The following COL6A5 variants were observed in gnomAD, a reference collection of about 807,000 sequenced individuals.
The protein encoded by COL6A5 is collagen type VI alpha 5 chain, also known as collagen alpha-5(VI) chain.
In COL6A5, 48 loss-of-function variants were observed where a neutral mutation model predicts 65.6. The observed-to-expected ratio is 0.73, with a 90% CI of 0.58 to 0.93. The LOEUF (loss-of-function observed/expected upper bound fraction) is 0.93. Among genes scored for constraint, COL6A5 ranks in the 40% least tolerant of loss-of-function variants. The pLI is 0.00. For synonymous variants in COL6A5, 291 were observed against 322.8 expected, an observed-to-expected ratio of 0.90 and a Z score of 1.05; for missense variants, 914 against 928.3, an observed-to-expected ratio of 0.98 and a Z score of 0.20.
rs10451897 is a variant in COL6A5 at position 130,433,717 on chromosome 3, C to A, written c.487+1768C>A. 7.6e-3 allele frequency among the ~76,000 whole-genome samples: 1,155 copies of A among 152,242 alleles called. 20 individuals carry two copies. The highest frequency in any genetic ancestry group is 0.027 in the African/African-American group (1,103 of 41,532). The stretch of plus-strand genomic sequence containing the variant: ...GAGTGTCTGTTTCCCCTCATACTTA[C>A]CCACACTGGATTTTACCTATTGAGC... On this transcript the variant is annotated intron_variant, in intron 1 of 7. Transcript: ENST00000512836.
intron 10 of COL6A5, 93 bp downstream of exon 10, chr3:130,398,204 C>T: frequency 1.2e-6 from 1 of 813,398 alleles, no homozygotes; most frequent in African/African-American, 1.8e-5. Flanking sequence ...GATCTCAGCT[C>T]ACTGCAAGCT....
In COL6A5 at chr3:130,477,600, A is replaced by G. The variant is rs1710132106; in HGVS notation, c.2329-6435A>G. ...CAACTGTAGTGTTTCTCAAAGTATG[A>G]TCCCTGGACCAGCCACATCAGCATC... On this transcript the variant is annotated intron_variant, in intron 7 of 7. Coordinates refer to ENST00000512836, the Ensembl canonical transcript of COL6A5. Among the ~76,000 whole-genome samples, 2 of 151,964 alleles carry G rather than the reference A, an allele frequency of 1.3e-5. 1 individual carries two copies. Among genetic ancestry groups the G allele is most frequent in the Admixed American group, 1.3e-4 (2 of 15,210 alleles).
intron 17 of COL6A5, among the ~76,000 whole-genome samples, chr3:130,407,352 C>T (rs778368658): frequency 1.9e-4 from 29 of 152,248 alleles, no homozygotes; most frequent in South Asian, 4.1e-4. Context: ...GGTTTTTAAC[C>T]GTAAGGCAAT....
Position 130,395,282 on chromosome 3 carries a change from A to C in COL6A5, c.3385A>C (p.Thr1129Pro), listed in dbSNP as rs562567306. ...CTATGATGTGGCAGATGCAGTAAAAACCCTGAAGGACCTTGGAATTTGTGT... is the reference window on the plus strand; with the variant it reads ...CTATGATGTGGCAGATGCAGTAAAACCCCTGAAGGACCTTGGAATTTGTGT... Residue 1129 changes from threonine (T) to proline (P), a missense_variant and NMD_transcript_variant, in exon 8 of 42, where the codon ACC becomes CCC. Thr to Pro is a conservative substitution (Grantham distance 38). Transcript: ENST00000312481. 3.9e-6 allele frequency: 6 copies of C among 1,551,360 alleles called. No homozygotes were observed. In the African/African-American group the frequency reaches 8.2e-5, roughly 21 times the overall value.
At chr3:130,428,428 G>A (rs549917060), upstream of COL6A5, among the ~76,000 whole-genome samples, 27 of 152,252 alleles carry the variant, frequency 1.8e-4, 1 homozygote, top group South Asian at 5.2e-3. Context: ...AAGGCTGGGG[G>A]AAATTAAGAG....
chr3:130,415,518 A>C, intron 22 of COL6A5, 127 bp from the exon 23 acceptor site: 6 of 773,238 alleles, frequency 7.8e-6, no homozygotes, highest in Non-Finnish European at 1.2e-5. Context: ...TACATGCTTA[A>C]TCTCAGGGTT....
chr3:130,477,402 C>T (rs1000011069), intron 7 of COL6A5: 20 of 220,372 alleles, frequency 9.1e-5, no homozygotes, highest in Non-Finnish European at 1.7e-4. Context: ...TTTCTTTTCA[C>T]CTGTCCATTT....
At chr3:130,476,792 T>G (rs1255185358) in intron 7 of COL6A5, 1 of 585,642 alleles carries the variant, frequency 1.7e-6, no homozygotes, top group Admixed American at 2.2e-5. Flanking sequence ...TATTCTTCAT[T>G]ATTTTCTCCA....
In COL6A5 at chr3:130,431,921, A is replaced by T. The variant is rs1487762369; in HGVS notation, c.461A>T (p.Asp154Val). ...ATCAGTCCAACAGTCTTTGCTTTTGATGAGAGAGTTTTCCTTGAAGCTTTT... is the reference window on the plus strand; with the variant it reads ...ATCAGTCCAACAGTCTTTGCTTTTGTTGAGAGAGTTTTCCTTGAAGCTTTT... Residue 154 changes from aspartate to valine, a missense_variant, in exon 1 of 8, where the codon GAT (aspartate) becomes GTT (valine). Transcript: ENST00000512836. The T allele has an allele frequency of 6.4e-7, 1 of 1,550,670 alleles. No individual in the cohort carries two copies. Among genetic ancestry groups the T allele is most frequent in the Non-Finnish European group, 8.7e-7 (1 of 1,146,164 alleles).
exon 5 of COL6A5, chr3:130,385,020 G>T: frequency 6.4e-7 from 1 of 1,550,864 alleles, no homozygotes; most frequent in African/African-American, 1.4e-5. Flanking sequence ...ATTGACTTAA[G>T]AAAGGCTATT....
Position 130,397,143 on chromosome 3 carries a change from A to G in COL6A5, c.3569-440A>G, listed in dbSNP as rs554594429. 2.2e-4 allele frequency among the ~76,000 whole-genome samples: 34 copies of G among 152,294 alleles called. No individual in the cohort carries two copies. In the South Asian group the frequency reaches 7.1e-3, roughly 32 times the overall value. ...CGGCCTCCTAAAGTGCTGGGATTAC[A>G]GGCTTAAGCCACCACACCCAGCCTC... On this transcript the variant is annotated intron_variant and NMD_transcript_variant, in intron 8 of 41. Transcript: ENST00000312481.
intron 17 of COL6A5, among the ~76,000 whole-genome samples, chr3:130,408,357 T>C (rs1041402929): frequency 4.6e-5 from 7 of 152,010 alleles, no homozygotes. Flanking sequence ...AGGGATGAAA[T>C]ACGCCCTGGT....
intron 4 of COL6A5, among the ~76,000 whole-genome samples, chr3:130,451,707 A>G (rs1709444105): frequency 2.0e-5 from 3 of 152,118 alleles, no homozygotes; most frequent in Non-Finnish European, 2.9e-5. Flanking sequence ...CCGTAAGTCA[A>G]AGTCATCCGA....
intron 24 of COL6A5, among the ~76,000 whole-genome samples, chr3:130,418,226 C>T (rs980387071): frequency 2.0e-5 from 3 of 151,892 alleles, no homozygotes; most frequent in African/African-American, 7.3e-5. Context: ...TGCTATTTGC[C>T]CCATTTCATT....
chr3:130,456,079 C>T (rs1254193023), intron 5 of COL6A5, among the ~76,000 whole-genome samples: 3 of 152,064 alleles, frequency 2.0e-5, no homozygotes, highest in Non-Finnish European at 2.9e-5. Flanking sequence ...ACCGCAACCT[C>T]CGCCACCCGG....
Position 130,414,145 on chromosome 3 carries a change from T to C in COL6A5, c.4761+14T>C. Reference sequence around the variant, plus strand: ...CAAGGCCCACAGGTGTGTTGGAATATTTTGTAAATATTGATAAATGCTGTA... The same window carrying C: ...CAAGGCCCACAGGTGTGTTGGAATACTTTGTAAATATTGATAAATGCTGTA... On this transcript the variant is annotated intron_variant and NMD_transcript_variant, in intron 22 of 41. Coordinates refer to the COL6A5 transcript ENST00000312481. 2 of 1,536,382 alleles carry C rather than the reference T, an allele frequency of 1.3e-6. No homozygotes were observed. Among genetic ancestry groups the C allele is most frequent in the Non-Finnish European group, 1.8e-6 (2 of 1,133,390 alleles).
chr3:130,447,828 A>G (rs917212657), intron 4 of COL6A5, among the ~76,000 whole-genome samples: 2 of 43,092 alleles, frequency 4.6e-5, no homozygotes, highest in Admixed American at 6.0e-4. Flanking sequence ...TAGGACCCAT[A>G]TAACGGCATT....
At chr3:130,349,716 C>A (rs1031058197) in intron 1 of COL6A5, among the ~76,000 whole-genome samples, 1 of 152,074 alleles carries the variant, frequency 6.6e-6, no homozygotes, top group Admixed American at 6.5e-5. Flanking sequence ...AATGTGTATT[C>A]TTGTGCATAT....
At chr3:130,373,464 C>G (rs907291475) in intron 1 of COL6A5, 147 bp from the exon 2 acceptor site, 11 of 566,122 alleles carry the variant, frequency 1.9e-5, no homozygotes, top group Admixed American at 1.0e-4. Flanking sequence ...AACAAATACT[C>G]CAAATGCTTG....
Sources: allele counts gnomAD v4.1 joint callset (sites outside exome capture counted in the v4.1 genomes callset), GRCh38; gene constraint gnomAD v4.1.1; transcripts MANE v1.5; gene names NCBI Gene and HGNC (gene_info 2026-07-23, HGNC 2026-07-21).